IRF2: variants seen among roughly 807,000 people sequenced by gnomAD.
IRF2 encodes interferon regulatory factor 2.
In IRF2, 15 loss-of-function variants were observed where a neutral mutation model predicts 40.6. The ratio of observed to expected loss-of-function variants is 0.37; its 90% CI spans 0.25 to 0.57. The LOEUF is 0.57. Ranked by LOEUF, IRF2 falls within the 20% of genes least tolerant of loss-of-function variation. IRF2 has a pLI of 0.77. For missense variants in IRF2, 317 were observed against 455.7 expected, an observed-to-expected ratio of 0.70 and a Z score of 2.77; for synonymous variants, 151 against 165.5, an observed-to-expected ratio of 0.91 and a Z score of 0.67.
At chr4:184,439,084 T>C (rs1048052605) in intron 1 of IRF2, among the ~76,000 whole-genome samples, 3 of 152,184 alleles carry the variant, frequency 2.0e-5, no homozygotes, top group Non-Finnish European at 4.4e-5. Flanking sequence ...TTATGTTTTG[T>C]TGAACTTTAG....
chr4:184,461,662 A>G (rs965216884), intron 1 of IRF2, among the ~76,000 whole-genome samples: 2 of 151,686 alleles, frequency 1.3e-5, no homozygotes, highest in Non-Finnish European at 2.9e-5. Flanking sequence ...CAACGGTTTC[A>G]GCTGAGCACT....
chr4:184,473,731 G>T (rs1739618115), intron 1 of IRF2, among the ~76,000 whole-genome samples: 1 of 151,226 alleles, frequency 6.6e-6, no homozygotes, highest in Non-Finnish European at 1.5e-5. Context: ...GACCGCCGCG[G>T]GGCGCCCCAG....
At position 184,387,947 on chromosome 4, in the gene IRF2, G is replaced by C. The variant is rs1432608881; in HGVS notation, c.*811C>G. On this transcript the variant is annotated 3_prime_UTR_variant, in exon 9 of 9. Coordinates refer to ENST00000393593, the MANE Select transcript of IRF2 (RefSeq NM_002199.4). ...TATATTTTATTTAGAATTTTACCTT[G>C]AATAAAATATTCCCCTGTATAAAAA... 2.0e-5 allele frequency: 3 copies of C among 152,496 alleles called. No homozygotes were observed. Among genetic ancestry groups the C allele is most frequent in the African/African-American group, 7.2e-5 (3 of 41,406 alleles). 9.4% of individuals were successfully genotyped at this position (152,496 alleles called of 1,614,324 possible).
At chr4:184,454,864 T>C (rs1738855497) in intron 1 of IRF2, among the ~76,000 whole-genome samples, 1 of 152,152 alleles carries the variant, frequency 6.6e-6, no homozygotes, top group African/African-American at 2.4e-5. Context: ...TAGTTTATGT[T>C]AGGAGGAAAA....
intron 1 of IRF2, among the ~76,000 whole-genome samples, chr4:184,447,988 G>C (rs931871275): frequency 6.6e-6 from 1 of 152,214 alleles, no homozygotes; most frequent in Admixed American, 6.5e-5. Flanking sequence ...GGCCGTGCCA[G>C]GGTCTCAATG....
At chr4:184,422,760 A>T (rs1737527290) in intron 2 of IRF2, among the ~76,000 whole-genome samples, 1 of 152,230 alleles carries the variant, frequency 6.6e-6, no homozygotes, top group African/African-American at 2.4e-5. Context: ...GAGAGCAGAG[A>T]TCCATAGAGA....
At chr4:184,436,984 C>T (rs1001503250) in intron 1 of IRF2, among the ~76,000 whole-genome samples, 1 of 152,160 alleles carries the variant, frequency 6.6e-6, no homozygotes, top group Non-Finnish European at 1.5e-5. Flanking sequence ...TTCCTGGGTT[C>T]AAGAGAGCCT....
At chr4:184,392,803 A>G (rs1456589439) in intron 7 of IRF2, among the ~76,000 whole-genome samples, 2 of 152,106 alleles carry the variant, frequency 1.3e-5, no homozygotes, top group Admixed American at 6.5e-5. Flanking sequence ...TTTCTCAGCC[A>G]CTGTTCTCCA....
chr4:184,447,858 A>C (rs113911740), intron 1 of IRF2, among the ~76,000 whole-genome samples: 5 of 152,322 alleles, frequency 3.3e-5, no homozygotes, highest in African/African-American at 1.2e-4. Context: ...ACCGAAATTC[A>C]ACACCTAGCC....
intron 1 of IRF2, 79 bp from the exon 2 acceptor site, chr4:184,429,149 T>C: frequency 9.2e-7 from 1 of 1,082,354 alleles, no homozygotes; most frequent in Non-Finnish European, 1.4e-6. Context: ...ACACCCCGCC[T>C]GACTCTTTCC....
chr4:184,420,806 T>TC (rs1472487866), intron 2 of IRF2, among the ~76,000 whole-genome samples: 1 of 152,196 alleles, frequency 6.6e-6, no homozygotes, highest in African/African-American at 2.4e-5. Context: ...TGTTACGATT[T>TC]CCATTTTATA....
At chr4:184,432,388 T>C (rs1737919127) in intron 1 of IRF2, among the ~76,000 whole-genome samples, 1 of 152,252 alleles carries the variant, frequency 6.6e-6, no homozygotes, top group Non-Finnish European at 1.5e-5. Context: ...ATTTGTCACA[T>C]CGTTGTGCTT....
intron 1 of IRF2, among the ~76,000 whole-genome samples, chr4:184,447,157 T>C (rs1296065989): frequency 6.6e-6 from 1 of 151,870 alleles, no homozygotes; most frequent in East Asian, 1.9e-4. Flanking sequence ...ACTCCAGAGC[T>C]GGGGCAGGGA....
chr4:184,438,050 T>C (rs1738153121), intron 1 of IRF2, among the ~76,000 whole-genome samples: 1 of 152,168 alleles, frequency 6.6e-6, no homozygotes, highest in South Asian at 2.1e-4. Context: ...TTGAACATCA[T>C]CATCATCATC....
chr4:184,463,589 C>T (rs1739218006), intron 1 of IRF2, among the ~76,000 whole-genome samples: 1 of 152,002 alleles, frequency 6.6e-6, no homozygotes, highest in Admixed American at 6.6e-5. Context: ...TAAGTGGCTA[C>T]TAGAAAATTA....
rs553584985 is a variant in IRF2, at chr4:184,404,758, G to C, written c.529+3400C>G. Among the ~76,000 whole-genome samples, 8 of 152,312 alleles carry C rather than the reference G, an allele frequency of 5.3e-5. No individual in the cohort carries two copies. In the South Asian group the frequency reaches 1.7e-3, roughly 32 times the overall value. ...GGGAGAGAAGATCACCGCGGGGCCG[G>C]TGACTCCGAGACAGGGATCTGTAGG... On this transcript the variant is annotated intron_variant, in intron 6 of 8. Coordinates refer to ENST00000393593, the MANE Select transcript of IRF2 (RefSeq NM_002199.4).
rs1326118953 is a variant in IRF2, at chr4:184,468,161, TA to T, written c.-7+6217del. 2.6e-5 allele frequency among the ~76,000 whole-genome samples: 4 copies of T among 152,038 alleles called. No individual in the cohort carries two copies. The South Asian group carries it at 8.3e-4, about 32-fold the overall frequency. On this transcript the variant is annotated intron_variant, in intron 1 of 8. Transcript: ENST00000393593. ...CTTCCTGGACAAAGAGACAAATACA[TA>T]AAATAAAATAAAGTCCTTCTTGCCT...
At chr4:184,430,838 G>A (rs1051075441) in intron 1 of IRF2, among the ~76,000 whole-genome samples, 1 of 152,126 alleles carries the variant, frequency 6.6e-6, no homozygotes, top group Non-Finnish European at 1.5e-5. Flanking sequence ...GGGACCACAG[G>A]TGTGAGCCAC....
chr4:184,397,857 G>C (rs1736523073), intron 7 of IRF2, among the ~76,000 whole-genome samples: 1 of 152,304 alleles, frequency 6.6e-6, no homozygotes, highest in African/African-American at 2.4e-5. Flanking sequence ...AGATCATCAG[G>C]AAGAGAGGAG....
Sources: gnomAD v4.1 joint callset for allele counts (sites outside exome capture counted in the v4.1 genomes callset) on GRCh38, gnomAD v4.1.1 for gene constraint, MANE v1.5 for transcripts, NCBI Gene and HGNC (gene_info 2026-07-23, HGNC 2026-07-21) for gene names.